Variants in ALK observed in about 807,000 individuals in gnomAD.
The protein encoded by ALK is ALK receptor tyrosine kinase.
Under a neutral mutation model 163.1 loss-of-function variants are expected in ALK, and 74 were observed. The ratio of observed to expected loss-of-function variants is 0.45; its 90% CI spans 0.38 to 0.55. The LOEUF (loss-of-function observed/expected upper bound fraction) is 0.55, where lower values mean the gene tolerates loss of function less well. Ranked by LOEUF, ALK falls within the 20% of genes least tolerant of loss-of-function variation. The pLI, the probability that ALK is intolerant of heterozygous loss-of-function variation, is 0.00. For synonymous variants in ALK, 960 were observed against 843.2 expected, an observed-to-expected ratio of 1.14 and a Z score of -2.40; for missense variants, 2,063 against 2,105.3, an observed-to-expected ratio of 0.98 and a Z score of 0.39.
At chr2:29,365,600 C>T (rs1273677627) in intron 5 of ALK, among the ~76,000 whole-genome samples, 1 of 152,224 alleles carries the variant, frequency 6.6e-6, no homozygotes, top group African/African-American at 2.4e-5. Context: ...CTTCAGTCAT[C>T]ATCTTTTGCC....
chr2:29,692,530 C>T (rs1487808753), intron 3 of ALK, among the ~76,000 whole-genome samples: 1 of 152,226 alleles, frequency 6.6e-6, no homozygotes, highest in African/African-American at 2.4e-5. Context: ...CCCTTGCATG[C>T]ACAGTCTGTG....
At chr2:29,670,817 T>C (rs1278293949) in intron 3 of ALK, among the ~76,000 whole-genome samples, 1 of 152,098 alleles carries the variant, frequency 6.6e-6, no homozygotes, top group Non-Finnish European at 1.5e-5. Context: ...TCAGCAAATG[T>C]ATTTCTCAGT....
intron 3 of ALK, among the ~76,000 whole-genome samples, chr2:29,580,572 T>A (rs1674657469): frequency 3.3e-5 from 5 of 152,168 alleles, no homozygotes; most frequent in Admixed American, 2.6e-4. Flanking sequence ...GTTATTACAG[T>A]CCATGCAGAA....
At chr2:29,529,518 C>T (rs903881119) in intron 4 of ALK, among the ~76,000 whole-genome samples, 6 of 152,208 alleles carry the variant, frequency 3.9e-5, no homozygotes, top group East Asian at 1.9e-4. Context: ...AGACTAGCAG[C>T]GACCCCATAA....
At chr2:29,391,622 GCTT>G (rs1669175739) in intron 4 of ALK, among the ~76,000 whole-genome samples, 1 of 152,008 alleles carries the variant, frequency 6.6e-6, no homozygotes, top group South Asian at 2.1e-4. Context: ...CTTCTTTTGA[GCTT>G]CTTCTAACTT....
At chr2:29,427,626 G>A (rs1274323379) in intron 4 of ALK, among the ~76,000 whole-genome samples, 2 of 151,740 alleles carry the variant, frequency 1.3e-5, no homozygotes, top group Non-Finnish European at 2.9e-5. Flanking sequence ...AAAGAAAACA[G>A]TATGAGATAA....
At chr2:29,792,921 G>T (rs1664222931) in intron 1 of ALK, among the ~76,000 whole-genome samples, 1 of 152,156 alleles carries the variant, frequency 6.6e-6, no homozygotes, top group African/African-American at 2.4e-5. Flanking sequence ...GATGGTTGGG[G>T]TGTCTGTGGC....
intron 3 of ALK, among the ~76,000 whole-genome samples, chr2:29,539,129 T>C (rs58284402): frequency 0.12 from 17,920 of 152,230 alleles, 1,394 homozygotes; most frequent in Non-Finnish European, 0.18. Context: ...GTGTTTTGTT[T>C]ATAGGTTGAT....
intron 1 of ALK, among the ~76,000 whole-genome samples, chr2:29,901,781 C>A (rs964044182): frequency 6.6e-6 from 1 of 152,134 alleles, no homozygotes; most frequent in Admixed American, 6.5e-5. Context: ...GGAAGATCGC[C>A]GTATCTTCTG....
chr2:29,890,801 T>C (rs10193020), intron 1 of ALK: 41,595 of 152,044 alleles, frequency 0.27, 6,118 homozygotes, highest in East Asian at 0.57. Flanking sequence ...TTCTGTGTTA[T>C]TGGAGACTTG....
chr2:29,521,135 G>A (rs533382831), intron 4 of ALK, among the ~76,000 whole-genome samples: 4 of 152,316 alleles, frequency 2.6e-5, no homozygotes, highest in African/African-American at 9.6e-5. Context: ...TGGCCCACAG[G>A]TCTTTCCTTA....
intron 28 of ALK, 132 bp from the exon 29 acceptor site, chr2:29,194,054 A>C: frequency 1.2e-6 from 1 of 853,200 alleles, no homozygotes; most frequent in Non-Finnish European, 1.9e-6. Flanking sequence ...GAATATAGTA[A>C]CTTACAGGCA....
At chr2:29,741,853 T>C (rs761773779) in intron 1 of ALK, among the ~76,000 whole-genome samples, 19 of 152,198 alleles carry the variant, frequency 1.2e-4, no homozygotes, top group Non-Finnish European at 2.4e-4. Context: ...GGGTAAAGGC[T>C]GGCAGTTACG....
At chr2:29,584,972 T>C (rs1674837599) in intron 3 of ALK, among the ~76,000 whole-genome samples, 2 of 152,356 alleles carry the variant, frequency 1.3e-5, no homozygotes, top group Non-Finnish European at 2.9e-5. Context: ...TCGTGTGCTT[T>C]GCTTCGTGTG....
At chr2:29,526,013 G>C (rs1023891178) in intron 4 of ALK, among the ~76,000 whole-genome samples, 1 of 152,120 alleles carries the variant, frequency 6.6e-6, no homozygotes, top group Non-Finnish European at 1.5e-5. Flanking sequence ...CTGGTACTTT[G>C]GGATCTATCT....
chr2:29,297,744 C>G (rs1292745261), intron 8 of ALK, among the ~76,000 whole-genome samples: 1 of 152,134 alleles, frequency 6.6e-6, no homozygotes, highest in Non-Finnish European at 1.5e-5. Flanking sequence ...TGGCATTGTT[C>G]CTAAACATTT....
At chr2:29,652,316 T>C (rs1018355118) in intron 3 of ALK, among the ~76,000 whole-genome samples, 4 of 152,086 alleles carry the variant, frequency 2.6e-5, no homozygotes, top group African/African-American at 7.2e-5. Context: ...TAAAAAATGA[T>C]TGAGCTTGGT....
intron 1 of ALK, among the ~76,000 whole-genome samples, chr2:29,833,452 A>G (rs1006346744): frequency 1.3e-5 from 2 of 152,142 alleles, no homozygotes; most frequent in Non-Finnish European, 2.9e-5. Flanking sequence ...AATTTTCACT[A>G]GTTGGGTTGA....
In ALK at chr2:29,246,762, CCT is replaced by C. The variant is rs2148193826; in HGVS notation, c.2204+4341_2204+4342del. 6.6e-6 allele frequency among the ~76,000 whole-genome samples: 1 copy of C among 152,332 alleles called. No homozygotes were observed. The highest frequency in any genetic ancestry group is 1.9e-4 in the East Asian group (1 of 5,174). ...CCTGACCCTCCCCTGCCATCTTTCC[CCT>C]GTCCTGGCTCAGTCCTTTTGACCAT... On this transcript the variant is annotated intron_variant, in intron 12 of 28. Coordinates refer to ENST00000389048, the MANE Select transcript of ALK (RefSeq NM_004304.5). The surrounding 1 kb of genome is among the most constrained non-coding windows in gnomAD (Gnocchi z 4.3).
Sources: gnomAD v4.1 joint callset for allele counts (sites outside exome capture counted in the v4.1 genomes callset) on GRCh38, gnomAD v4.1.1 for gene constraint, Gnocchi (gnomAD v3.1) non-coding constraint, MANE v1.5 for transcripts, NCBI Gene and HGNC (gene_info 2026-07-23, HGNC 2026-07-21) for gene names.